The following LHFPL6 variants were observed in gnomAD, a reference collection of about 807,000 sequenced individuals.
The protein encoded by LHFPL6 is LHFPL tetraspan subfamily member 6.
A neutral mutation model predicts 20.6 loss-of-function variants in LHFPL6; 9 were observed. The observed-to-expected ratio is 0.44, with a 90% confidence interval of 0.26 to 0.76. The LOEUF (loss-of-function observed/expected upper bound fraction) is 0.76. Ranked by LOEUF, LHFPL6 falls within the 30% of genes least tolerant of loss-of-function variation. The probability of loss-of-function intolerance (pLI) is 0.20; values close to 1 mark genes in which losing one functional copy is unlikely to be tolerated. For missense variants in LHFPL6, 218 were observed against 253.5 expected (o/e 0.86, Z 0.95); for synonymous variants, 105 against 98.7 (o/e 1.06, Z -0.38).
At chr13:39,597,034 C>T (rs1237619237) in intron 2 of LHFPL6, among the ~76,000 whole-genome samples, 2 of 152,192 alleles carry the variant, frequency 1.3e-5, no homozygotes, top group African/African-American at 4.8e-5. Context: ...ATTCTGACAT[C>T]ATTACTGTCT....
intron 3 of LHFPL6, among the ~76,000 whole-genome samples, chr13:39,375,161 T>G (rs1870254548): frequency 6.6e-6 from 1 of 152,184 alleles, no homozygotes; most frequent in Admixed American, 6.5e-5. Context: ...AGAAACAAAC[T>G]TGGATTCTCA....
chr13:39,503,191 A>AACCACTGGACACATCGCTCCCTCC (rs1869354995), intron 2 of LHFPL6, among the ~76,000 whole-genome samples: 2 of 152,152 alleles, frequency 1.3e-5, no homozygotes, highest in South Asian at 4.1e-4. Flanking sequence ...CGGCACCCTC[A>AACCACTGGACACATCGCTCCCTCC]ACCACTGGAC....
intron 2 of LHFPL6, among the ~76,000 whole-genome samples, chr13:39,456,365 T>G (rs1386139248): frequency 6.6e-6 from 1 of 152,214 alleles, no homozygotes; most frequent in African/African-American, 2.4e-5. Flanking sequence ...AGGCTGATAT[T>G]AGATAGCAGA....
rs9548823 is a variant in LHFPL6, at chr13:39,561,662, G to A, written c.385+39170C>T. On this transcript the variant is annotated intron_variant, in intron 2 of 3. Coordinates refer to ENST00000379589, the MANE Select transcript of LHFPL6 (RefSeq NM_005780.3). ...GGTAAAAACAGGATCTTGCTATGATGCCCAGGCTGGTCTTGAACTCTTGGC... is the reference window on the plus strand; with the variant it reads ...GGTAAAAACAGGATCTTGCTATGATACCCAGGCTGGTCTTGAACTCTTGGC... Among the ~76,000 whole-genome samples, 464 of 152,278 alleles carry A rather than the reference G, an allele frequency of 3.0e-3. 2 individuals carry two copies. Among genetic ancestry groups the A allele is most frequent in the Non-Finnish European group, 4.6e-3 (311 of 68,022 alleles).
intron 2 of LHFPL6, among the ~76,000 whole-genome samples, chr13:39,413,927 T>C (rs1433230046): frequency 2.6e-5 from 4 of 152,234 alleles, no homozygotes; most frequent in African/African-American, 7.2e-5. Context: ...TTATGGACTC[T>C]TTTGCTATGG....
chr13:39,478,157 G>A (rs1265175392), intron 2 of LHFPL6, among the ~76,000 whole-genome samples: 2 of 152,186 alleles, frequency 1.3e-5, no homozygotes, highest in African/African-American at 4.8e-5. Flanking sequence ...CGAGGGGGCA[G>A]AGAATTTTCT....
chr13:39,404,339 C>G (rs1470147870), intron 2 of LHFPL6, among the ~76,000 whole-genome samples: 1 of 152,178 alleles, frequency 6.6e-6, no homozygotes, highest in African/African-American at 2.4e-5. Context: ...AGCCTTCTTT[C>G]AGTCCTTTGG....
chr13:39,442,701 C>T (rs1450152049), intron 2 of LHFPL6, among the ~76,000 whole-genome samples: 4 of 152,056 alleles, frequency 2.6e-5, no homozygotes, highest in Non-Finnish European at 5.9e-5. Flanking sequence ...TAATTCTATT[C>T]TTTTTTTTCT....
At chr13:39,401,226 G>A (rs376568186) in intron 2 of LHFPL6, among the ~76,000 whole-genome samples, 3 of 152,194 alleles carry the variant, frequency 2.0e-5, no homozygotes, top group East Asian at 3.9e-4. Context: ...TTAGAAATGC[G>A]CACACAGACA....
chr13:39,423,305 C>A (rs1402676620), intron 2 of LHFPL6, among the ~76,000 whole-genome samples: 1 of 152,116 alleles, frequency 6.6e-6, no homozygotes, highest in Non-Finnish European at 1.5e-5. Context: ...GTATTTGAAG[C>A]ATATATTTTT....
intron 2 of LHFPL6, among the ~76,000 whole-genome samples, chr13:39,440,721 C>T (rs545144471): frequency 8.5e-5 from 13 of 152,148 alleles, no homozygotes; most frequent in South Asian, 4.2e-4. Flanking sequence ...CTGCTTCAGC[C>T]GGATATGGTT....
At chr13:39,380,742 T>C (rs496665) in intron 2 of LHFPL6, among the ~76,000 whole-genome samples, 134,722 of 152,094 alleles carry the variant, frequency 0.89, 59,865 homozygotes, top group East Asian at 0.96. Flanking sequence ...ATCTGCCTGC[T>C]TCAGCCTCCT....
intron 3 of LHFPL6, among the ~76,000 whole-genome samples, chr13:39,350,091 C>T (rs1442175313): frequency 2.0e-5 from 3 of 152,158 alleles, no homozygotes; most frequent in African/African-American, 4.8e-5. Context: ...AAGCTGGAAA[C>T]GCAGCCGGGA....
At chr13:39,447,323 C>G (rs1375162566) in intron 2 of LHFPL6, among the ~76,000 whole-genome samples, 1 of 152,116 alleles carries the variant, frequency 6.6e-6, no homozygotes, top group Non-Finnish European at 1.5e-5. Context: ...TTTTTTTAAG[C>G]TTTCTCTTGC....
intron 3 of LHFPL6, among the ~76,000 whole-genome samples, chr13:39,376,788 G>A (rs1870304147): frequency 6.6e-6 from 1 of 152,168 alleles, no homozygotes; most frequent in African/African-American, 2.4e-5. Context: ...AACTGACTAT[G>A]TACTAATTAT....
intron 2 of LHFPL6, among the ~76,000 whole-genome samples, chr13:39,558,793 G>A (rs1871385713): frequency 6.6e-6 from 1 of 152,116 alleles, no homozygotes; most frequent in African/African-American, 2.4e-5. Flanking sequence ...ATTTTAGGAA[G>A]GGAAATCTAT....
At chr13:39,527,435 C>A (rs1351427882) in intron 2 of LHFPL6, among the ~76,000 whole-genome samples, 4 of 151,600 alleles carry the variant, frequency 2.6e-5, no homozygotes, top group African/African-American at 9.7e-5. Context: ...TTGGAGCTGA[C>A]TTCAGGTTGA....
chr13:39,416,129 T>C (rs2138391750), intron 2 of LHFPL6, among the ~76,000 whole-genome samples: 1 of 152,310 alleles, frequency 6.6e-6, no homozygotes, highest in South Asian at 2.1e-4. Context: ...AGAAAATTAA[T>C]ATGAACTGAC....
chr13:39,560,825 A>G (rs962806040), intron 2 of LHFPL6, among the ~76,000 whole-genome samples: 4 of 152,108 alleles, frequency 2.6e-5, no homozygotes, highest in Admixed American at 2.6e-4. Context: ...GGGTTATGCA[A>G]ATTCTCTAAC....
Sources: allele counts gnomAD v4.1 joint callset (sites outside exome capture counted in the v4.1 genomes callset), GRCh38; gene constraint gnomAD v4.1.1; transcripts MANE v1.5; gene names NCBI Gene and HGNC (gene_info 2026-07-23, HGNC 2026-07-21).